The following GRID2 variants were observed in gnomAD, a reference collection of about 807,000 sequenced individuals.
The protein encoded by GRID2 is glutamate ionotropic receptor delta type subunit 2.
GRID2 carries 33 observed loss-of-function variants against 114.8 expected under a neutral mutation model. That is an observed-to-expected ratio of 0.29 (90% CI 0.22 to 0.38). The LOEUF (loss-of-function observed/expected upper bound fraction) is 0.38, where lower values mean the gene tolerates loss of function less well. GRID2 is among the 10% of genes least tolerant of loss of function. GRID2 has a pLI of 1.00. For missense variants in GRID2, 1,184 were observed against 1,257.7 expected (o/e 0.94, Z 0.89); for synonymous variants, 505 against 449.9 (o/e 1.12, Z -1.55).
intron 1 of GRID2, among the ~76,000 whole-genome samples, chr4:92,318,555 C>A (rs1300126982): frequency 2.1e-5 from 3 of 141,646 alleles, no homozygotes; most frequent in Admixed American, 7.2e-5. Flanking sequence ...CACTCTGTCA[C>A]CCAGGCTGGA....
At chr4:92,333,336 A>G (rs531719250) in intron 1 of GRID2, among the ~76,000 whole-genome samples, 1 of 152,314 alleles carries the variant, frequency 6.6e-6, no homozygotes, top group African/African-American at 2.4e-5. Flanking sequence ...CAGAGTACCA[A>G]GCTGGCCATG....
intron 13 of GRID2, among the ~76,000 whole-genome samples, chr4:93,545,151 C>T (rs1308612976): frequency 1.3e-5 from 2 of 152,184 alleles, no homozygotes; most frequent in Non-Finnish European, 2.9e-5. Context: ...GTCAAGGTCT[C>T]TGCCTTCATG....
chr4:93,770,744 T>A (rs142337922), intron 15 of GRID2, among the ~76,000 whole-genome samples: 3 of 152,332 alleles, frequency 2.0e-5, no homozygotes, highest in East Asian at 3.9e-4. Context: ...CTCATATTTT[T>A]AAAAATCTGG....
intron 5 of GRID2, 112 bp from the exon 6 acceptor site, chr4:93,216,626 C>T (rs1744244439): frequency 1.4e-6 from 1 of 709,630 alleles, no homozygotes; most frequent in South Asian, 2.0e-5. Context: ...GCATTAAAAC[C>T]AATATATTAC....
chr4:93,599,672 C>T (rs191496190), intron 13 of GRID2, among the ~76,000 whole-genome samples: 163 of 152,206 alleles, frequency 1.1e-3, no homozygotes, highest in African/African-American at 3.9e-3. Flanking sequence ...CCAAACTAAC[C>T]CTTTCACAAA....
chr4:92,534,028 T>G (rs756840424), intron 1 of GRID2, among the ~76,000 whole-genome samples: 163 of 152,212 alleles, frequency 1.1e-3, no homozygotes, highest in Non-Finnish European at 1.3e-3. Flanking sequence ...ATTATTCATA[T>G]GGAAATATCA....
chr4:93,239,856 C>A (rs547153437), intron 8 of GRID2, among the ~76,000 whole-genome samples: 2 of 151,702 alleles, frequency 1.3e-5, no homozygotes, highest in Middle Eastern at 3.4e-3. Context: ...GTGTTTACAT[C>A]CTTATATAAT....
At chr4:92,923,942 A>G (rs889949235) in intron 2 of GRID2, among the ~76,000 whole-genome samples, 5 of 152,200 alleles carry the variant, frequency 3.3e-5, no homozygotes, top group African/African-American at 1.2e-4. Flanking sequence ...ATAAAGACAC[A>G]TGCACACGTA....
chr4:92,379,311 G>C (rs1456140040), intron 1 of GRID2, among the ~76,000 whole-genome samples: 1 of 151,886 alleles, frequency 6.6e-6, no homozygotes, highest in East Asian at 1.9e-4. Flanking sequence ...GTCAATAGCT[G>C]TTTAGATGTT....
chr4:93,053,516 A>G (rs72885764), intron 2 of GRID2, among the ~76,000 whole-genome samples: 1 of 151,964 alleles, frequency 6.6e-6, no homozygotes, highest in Non-Finnish European at 1.5e-5. Context: ...GCACAGACTT[A>G]TCAAAGTCTC....
At chr4:93,673,650 A>G (rs1724612993) in intron 14 of GRID2, among the ~76,000 whole-genome samples, 1 of 152,206 alleles carries the variant, frequency 6.6e-6, no homozygotes, top group African/African-American at 2.4e-5. Context: ...TCCTTGTCCT[A>G]ATCCCTAAGC....
chr4:93,090,886 G>A (rs1730727181), intron 3 of GRID2, among the ~76,000 whole-genome samples: 1 of 152,094 alleles, frequency 6.6e-6, no homozygotes, highest in African/African-American at 2.4e-5. Context: ...CTCGCCCTCT[G>A]GTAACGCCAG....
Position 93,296,368 on chromosome 4 carries a change from G to A in GRID2, c.1245+57878G>A, listed in dbSNP as rs180829805. Reference sequence around the variant, plus strand: ...TCCTTAATTTAATCCCATCTGTAGAGACCCATTTTCCTTGAAAGATAACTT... The same window carrying A: ...TCCTTAATTTAATCCCATCTGTAGAAACCCATTTTCCTTGAAAGATAACTT... On this transcript the variant is annotated intron_variant, in intron 8 of 15. Transcript: ENST00000282020. Among the ~76,000 whole-genome samples the A allele has an allele frequency of 1.5e-3, 219 of 141,552 alleles. 1 individual carries two copies. The highest frequency in any genetic ancestry group is 5.6e-3 in the African/African-American group (212 of 37,982). The allele number at this position is 141,552 out of a possible 152,430, so 92.9% of individuals were successfully genotyped here.
At chr4:93,492,667 T>G (rs983420756) in intron 12 of GRID2, among the ~76,000 whole-genome samples, 1 of 151,872 alleles carries the variant, frequency 6.6e-6, no homozygotes, top group African/African-American at 2.4e-5. Flanking sequence ...ATAATTGGTA[T>G]CTACCATTCA....
chr4:93,024,527 C>T (rs992326429), intron 2 of GRID2, among the ~76,000 whole-genome samples: 1 of 151,652 alleles, frequency 6.6e-6, no homozygotes, highest in Non-Finnish European at 1.5e-5. Flanking sequence ...TATAGTTTAG[C>T]AGAAAGCATG....
In GRID2 at chr4:93,455,450, TTGTC is replaced by T. The variant is rs748416661; in HGVS notation, c.1546-209_1546-206del. ...ATGCTGATAATATGAACAAGGTAAT[TTGTC>T]TGACTCTGGTGGGGCAAGATTTTCA... On this transcript the variant is annotated intron_variant, in intron 10 of 15. Coordinates refer to ENST00000282020, the MANE Select transcript of GRID2 (RefSeq NM_001510.4). Among the ~76,000 whole-genome samples the T allele has an allele frequency of 4.6e-5, 7 of 152,244 alleles. No homozygotes were observed. The East Asian group carries it at 5.8e-4, about 13-fold the overall frequency.
chr4:92,838,315 A>C (rs1359806427), intron 2 of GRID2, among the ~76,000 whole-genome samples: 1 of 152,110 alleles, frequency 6.6e-6, no homozygotes, highest in Non-Finnish European at 1.5e-5. Context: ...TAATATTTAT[A>C]AATATTTTAG....
At chr4:93,786,026 G>T (rs1224647415) in intron 1 of GRID2, among the ~76,000 whole-genome samples, 1 of 152,194 alleles carries the variant, frequency 6.6e-6, no homozygotes, top group African/African-American at 2.4e-5. Context: ...ACAAAAGAGT[G>T]TGTTAAATGG....
chr4:93,553,624 A>T (rs754944884), intron 13 of GRID2, among the ~76,000 whole-genome samples: 1 of 152,204 alleles, frequency 6.6e-6, no homozygotes, highest in South Asian at 2.1e-4. Context: ...TCATTAAATT[A>T]TCTCTAAGAT....
Sources: allele counts gnomAD v4.1 joint callset (sites outside exome capture counted in the v4.1 genomes callset), GRCh38; gene constraint gnomAD v4.1.1; transcripts MANE v1.5; gene names NCBI Gene and HGNC (gene_info 2026-07-23, HGNC 2026-07-21).